TFCP2L1: variants seen among roughly 807,000 people sequenced by gnomAD.
The protein encoded by TFCP2L1 is transcription factor CP2-like protein 1.
Under a neutral mutation model 72.2 loss-of-function variants are expected in TFCP2L1, and 12 were observed. The ratio of observed to expected loss-of-function variants is 0.17; its 90% CI spans 0.11 to 0.27. TFCP2L1 has a LOEUF of 0.27. Among genes scored for constraint, TFCP2L1 ranks in the 10% least tolerant of loss-of-function variants. The pLI, the probability that TFCP2L1 is intolerant of heterozygous loss-of-function variation, is 1.00. For missense variants in TFCP2L1, 488 were observed against 624.6 expected (o/e 0.78, Z 2.33); for synonymous variants, 260 against 251.0 (o/e 1.04, Z -0.34).
chr2:121,232,107 T>TTTTTGTTTTG (rs3835787), intron 12 of TFCP2L1, 139 bp from the exon 13 acceptor site: 6,839 of 533,458 alleles, frequency 0.013, 116 homozygotes, highest in East Asian at 0.032. Context: ...ACTGCCACTC[T>TTTTTGTTTTG]TTTTGTTTTG....
At chr2:121,226,870 T>C (rs1480238470) in intron 13 of TFCP2L1, among the ~76,000 whole-genome samples, 1 of 152,244 alleles carries the variant, frequency 6.6e-6, no homozygotes, top group Non-Finnish European at 1.5e-5. Context: ...AAGGAAATTT[T>C]CCTACATTCT....
rs893790591 is a variant in TFCP2L1, at chr2:121,217,917, G to T, written c.*6424C>A. On this transcript the variant is annotated 3_prime_UTR_variant, in exon 15 of 15. Coordinates refer to ENST00000263707, the MANE Select transcript of TFCP2L1 (RefSeq NM_014553.3). The stretch of plus-strand genomic sequence containing the variant: ...AGCTGAAGCACCAGAACCTTCCAAG[G>T]GGGGCTCGCCAGCCACACAGGACAC... 1.3e-5 allele frequency: 2 copies of T among 152,246 alleles called. No individual in the cohort carries two copies. The highest frequency in any genetic ancestry group is 4.1e-4 in the South Asian group (2 of 4,834). The allele number at this position is 152,246 out of a possible 1,614,324, so 9.4% of individuals were successfully genotyped here.
At chr2:121,243,953 G>A (rs1054546271) in intron 6 of TFCP2L1, among the ~76,000 whole-genome samples, 1 of 152,178 alleles carries the variant, frequency 6.6e-6, no homozygotes, top group African/African-American at 2.4e-5. Context: ...GTGCCAAAAA[G>A]GTTGGGGCCC....
intron 2 of TFCP2L1, among the ~76,000 whole-genome samples, chr2:121,269,136 T>C (rs532135531): frequency 6.6e-6 from 1 of 152,116 alleles, no homozygotes; most frequent in East Asian, 1.9e-4. Context: ...ATAAACCGGA[T>C]AATAAAAATT....
intron 2 of TFCP2L1, among the ~76,000 whole-genome samples, chr2:121,257,813 T>C (rs1222634327): frequency 6.6e-6 from 1 of 152,218 alleles, no homozygotes; most frequent in Non-Finnish European, 1.5e-5. Context: ...TTCTTCTTCC[T>C]GTGGACTTCC....
rs191496572 is a variant in TFCP2L1, at chr2:121,283,585, C to A, written c.62+1463G>T. Among the ~76,000 whole-genome samples the A allele has an allele frequency of 3.3e-5, 5 of 152,322 alleles. No homozygotes were observed. In the East Asian group the frequency reaches 9.6e-4, roughly 29 times the overall value. ...TACCTGAGCTACTCCAGACAAACTTCCATCTCGGTAGCAGATGTCAGAACT... is the reference window on the plus strand; with the variant it reads ...TACCTGAGCTACTCCAGACAAACTTACATCTCGGTAGCAGATGTCAGAACT... On this transcript the variant is annotated intron_variant, in intron 1 of 14. Transcript: ENST00000263707.
At chr2:121,260,270 G>C (rs910968258) in intron 2 of TFCP2L1, among the ~76,000 whole-genome samples, 7 of 150,648 alleles carry the variant, frequency 4.6e-5, no homozygotes, top group Non-Finnish European at 8.8e-5. Flanking sequence ...AAGGGAGCTG[G>C]GGTCAGGTCA....
chr2:121,283,369 C>G (rs1687302770), intron 1 of TFCP2L1, among the ~76,000 whole-genome samples: 1 of 152,098 alleles, frequency 6.6e-6, no homozygotes, highest in African/African-American at 2.4e-5. Flanking sequence ...AGTCAGGGGA[C>G]CAGGGGCATA....
At chr2:121,278,387 T>C (rs1026032086) in intron 2 of TFCP2L1, among the ~76,000 whole-genome samples, 4 of 150,196 alleles carry the variant, frequency 2.7e-5, no homozygotes, top group Non-Finnish European at 4.4e-5. Context: ...TAAAACTCTT[T>C]TTAAAAAAAC....
chr2:121,239,671 G>C (rs369781633), intron 7 of TFCP2L1, 22 bp from the exon 8 acceptor site: 20 of 1,608,800 alleles, frequency 1.2e-5, no homozygotes, highest in Non-Finnish European at 1.6e-5. Context: ...AGCACAGGGC[G>C]AGCTGGGATC....
rs201617210 is a variant in TFCP2L1 at position 121,235,210 on chromosome 2, C to T, written c.1094+11G>A. On this transcript the variant is annotated intron_variant, in intron 11 of 14. Coordinates refer to ENST00000263707, the MANE Select transcript of TFCP2L1 (RefSeq NM_014553.3). ...GCCTCTGGCTGGCTTCACAGAGAAA[C>T]CAACACCTACCGGCCTTTGATGGCG... The T allele has an allele frequency of 3.6e-5, 58 of 1,614,200 alleles. 1 individual carries two copies. In the Middle Eastern group the frequency reaches 6.6e-4, roughly 18 times the overall value.
chr2:121,263,695 T>C (rs1686873925), intron 2 of TFCP2L1, among the ~76,000 whole-genome samples: 1 of 152,196 alleles, frequency 6.6e-6, no homozygotes, highest in African/African-American at 2.4e-5. Context: ...TGGAAGGTGA[T>C]TTGACAAGGC....
intron 6 of TFCP2L1, among the ~76,000 whole-genome samples, chr2:121,243,616 G>T (rs940082807): frequency 3.3e-5 from 5 of 152,142 alleles, no homozygotes; most frequent in Non-Finnish European, 5.9e-5. Flanking sequence ...ACCAGTGGCG[G>T]ATTTAGATCC....
At chr2:121,284,996 C>G (rs970198262) in intron 1 of TFCP2L1, 52 bp downstream of exon 1, 3 of 1,424,540 alleles carry the variant, frequency 2.1e-6, no homozygotes, top group African/African-American at 3.0e-5. Flanking sequence ...TCCAACGGCG[C>G]CCGGCCCGCC....
At chr2:121,247,943 G>C (rs1686523393) in intron 5 of TFCP2L1, among the ~76,000 whole-genome samples, 1 of 152,210 alleles carries the variant, frequency 6.6e-6, no homozygotes, top group African/African-American at 2.4e-5. Flanking sequence ...GCAAAACCCA[G>C]ATAGAATTCT....
chr2:121,237,908 G>A (rs1212414294), intron 8 of TFCP2L1, 58 bp from the exon 9 acceptor site: 43 of 1,585,368 alleles, frequency 2.7e-5, no homozygotes, highest in East Asian at 4.5e-5. Flanking sequence ...CAATGGCCAC[G>A]GTCCCGGCAC....
In TFCP2L1 at chr2:121,242,400, CCTT is replaced by C; in HGVS notation, c.724_726del (p.Lys242del). ...GTTTCATAGGACGGCTGGTATTTCT[CCTT>C]CTCTTGGGCAGTTCTTTTCTCCATC... On this transcript the variant is annotated inframe_deletion, in exon 7 of 15. Coordinates refer to ENST00000263707, the MANE Select transcript of TFCP2L1 (RefSeq NM_014553.3). 1 of 1,614,208 alleles carries C rather than the reference CCTT, an allele frequency of 6.2e-7. No homozygotes were observed. The highest frequency in any genetic ancestry group is 8.5e-7 in the Non-Finnish European group (1 of 1,180,028).
At chr2:121,254,024 C>A (rs574197815) in intron 2 of TFCP2L1, among the ~76,000 whole-genome samples, 27 of 152,310 alleles carry the variant, frequency 1.8e-4, no homozygotes, top group African/African-American at 6.3e-4. Flanking sequence ...ACAGGCTGAA[C>A]TGACCTAGGG....
chr2:121,236,361 G>A (rs1256098244), intron 10 of TFCP2L1, among the ~76,000 whole-genome samples: 1 of 152,188 alleles, frequency 6.6e-6, no homozygotes, highest in East Asian at 1.9e-4. Context: ...CCCACCAGCA[G>A]CATGTGAGGA....
Sources: allele counts gnomAD v4.1 joint callset (sites outside exome capture counted in the v4.1 genomes callset), GRCh38; gene constraint gnomAD v4.1.1; transcripts MANE v1.5; gene names NCBI Gene and HGNC (gene_info 2026-07-23, HGNC 2026-07-21).